Variants in RAPH1 observed in about 807,000 individuals in gnomAD.
RAPH1 encodes Ras association (RalGDS/AF-6) and pleckstrin homology domains 1.
RAPH1 carries 18 observed loss-of-function variants against 88.1 expected under a neutral mutation model. The ratio of observed to expected loss-of-function variants is 0.20; its 90% CI spans 0.14 to 0.30. The LOEUF is 0.30. Among genes scored for constraint, RAPH1 ranks in the 10% least tolerant of loss-of-function variants. The pLI is 1.00. For missense variants in RAPH1, 1,448 were observed against 1,543.2 expected (o/e 0.94, Z 1.03); for synonymous variants, 587 against 559.0 (o/e 1.05, Z -0.71).
chr2:203,459,811 G>A (rs532536537), intron 7 of RAPH1, 96 bp downstream of exon 7: 2 of 1,250,190 alleles, frequency 1.6e-6, no homozygotes, highest in Admixed American at 4.2e-5. Flanking sequence ...GCTCCAACCA[G>A]GTGTTTACCA....
intron 2 of RAPH1, 177 bp downstream of exon 2, chr2:203,495,057 A>G: frequency 1.7e-6 from 1 of 575,298 alleles, no homozygotes; most frequent in Non-Finnish European, 2.9e-6. Context: ...AAATAACCAT[A>G]GATTCTTAAT....
chr2:203,450,695 G>A (rs1419142630), intron 10 of RAPH1, among the ~76,000 whole-genome samples: 1 of 152,230 alleles, frequency 6.6e-6, no homozygotes, highest in Non-Finnish European at 1.5e-5. Flanking sequence ...GCCAGTGAGG[G>A]CTTAAGAGAC....
chr2:203,446,233 T>C (rs533312804), intron 12 of RAPH1: 1 of 152,372 alleles, frequency 6.6e-6, no homozygotes, highest in East Asian at 1.9e-4. Flanking sequence ...AGGTATCTTG[T>C]AGACTGTCTC....
At chr2:203,493,971 CAAAAAAAAA>C (rs397937732) in intron 2 of RAPH1, among the ~76,000 whole-genome samples, 24 of 18,962 alleles carry the variant, frequency 1.3e-3, no homozygotes, top group East Asian at 6.2e-3. Context: ...GACTCTATCT[CAAAAAAAAA>C]AAAAAAAAAA....
intron 1 of RAPH1, among the ~76,000 whole-genome samples, chr2:203,519,381 TA>T (rs1430931626): frequency 6.6e-6 from 1 of 152,066 alleles, no homozygotes; most frequent in Non-Finnish European, 1.5e-5. Context: ...ATCAACAGGC[TA>T]AAAAAATTTT....
At chr2:203,443,542 G>C (rs2098506223) in intron 13 of RAPH1, 1 of 151,714 alleles carries the variant, frequency 6.6e-6, no homozygotes, top group Non-Finnish European at 1.5e-5. Context: ...CAAGGCTCAG[G>C]AATCCAAAAC....
In RAPH1 at chr2:203,502,067, T is replaced by C. The variant is rs564241805; in HGVS notation, c.1-6714A>G. 3.9e-5 allele frequency among the ~76,000 whole-genome samples: 6 copies of C among 152,294 alleles called. No homozygotes were observed. In the South Asian group the frequency reaches 1.2e-3, roughly 32 times the overall value. On this transcript the variant is annotated intron_variant, in intron 1 of 13. Transcript: ENST00000319170. ...ATTTAAAGGAAGCTACAGTCTCCTA[T>C]GTGTTGAAAGGGACTAAGAAGGAAG...
At chr2:203,523,034 C>T (rs933852029) in intron 1 of RAPH1, among the ~76,000 whole-genome samples, 1 of 151,774 alleles carries the variant, frequency 6.6e-6, no homozygotes, top group Non-Finnish European at 1.5e-5. Context: ...TAGAGAATCA[C>T]ATCAATGTAA....
chr2:203,529,625 A>T (rs1690298662), intron 1 of RAPH1, among the ~76,000 whole-genome samples: 1 of 152,172 alleles, frequency 6.6e-6, no homozygotes, highest in South Asian at 2.1e-4. Context: ...GGCTTCCCAA[A>T]GTGCTGGGAT....
chr2:203,529,844 A>T (rs758502265), intron 1 of RAPH1, among the ~76,000 whole-genome samples: 1 of 152,162 alleles, frequency 6.6e-6, no homozygotes, highest in South Asian at 2.1e-4. Flanking sequence ...TCTCATCTAA[A>T]GGGATGACTT....
At chr2:203,512,980 C>A (rs1190115187) in intron 1 of RAPH1, among the ~76,000 whole-genome samples, 1 of 152,102 alleles carries the variant, frequency 6.6e-6, no homozygotes, top group Non-Finnish European at 1.5e-5. Flanking sequence ...ATAGGTAAAT[C>A]TTTCATGTTT....
At position 203,495,240 on chromosome 2, in the gene RAPH1, G is replaced by T. The variant is rs931136023; in HGVS notation, c.114C>A (p.Leu38=). 1.9e-6 allele frequency: 3 copies of T among 1,613,904 alleles called. No individual in the cohort carries two copies. The African/African-American group carries it at 4.0e-5, about 22-fold the overall frequency. The change falls in exon 2 of 14, where the codon CTC becomes CTA. Residue 38 remains leucine (L), a synonymous_variant. Coordinates refer to ENST00000319170, the MANE Select transcript of RAPH1 (RefSeq NM_213589.3). The part of the protein sequence containing the change: ...FGAWLGELDK[L]TQSLDSDKPM... ...TTTTTCAAGCACTACTCACCTGAGT[G>T]AGTTTGTCTAGTTCTCCAAGCCAGG...
In RAPH1 at chr2:203,506,821, T is replaced by G. The variant is rs1232292850; in HGVS notation, c.1-11468A>C. Among the ~76,000 whole-genome samples, 16 of 62,622 alleles carry G rather than the reference T, an allele frequency of 2.6e-4. 1 individual carries two copies. The highest frequency in any genetic ancestry group is 3.4e-4 in the Non-Finnish European group (12 of 35,132). The allele number at this position is 62,622 out of a possible 152,430, so 41.1% of individuals were successfully genotyped here. A position where few individuals can be genotyped will look rare whatever the true frequency, so the allele number is the denominator to read the frequency against. On this transcript the variant is annotated intron_variant, in intron 1 of 13. Coordinates refer to ENST00000319170, the MANE Select transcript of RAPH1 (RefSeq NM_213589.3). ...ATATATATATCTATATCTATATATC[T>G]ATATATATATCTATATCTATATATC...
At chr2:203,498,458 A>G (rs1688608624) in intron 1 of RAPH1, among the ~76,000 whole-genome samples, 1 of 152,180 alleles carries the variant, frequency 6.6e-6, no homozygotes, top group Non-Finnish European at 1.5e-5. Flanking sequence ...AACCATTGTG[A>G]TAGGCAGGTA....
chr2:203,491,146 A>G, intron 3 of RAPH1, 68 bp downstream of exon 3: 1 of 914,932 alleles, frequency 1.1e-6, no homozygotes, highest in Non-Finnish European at 1.7e-6. Flanking sequence ...TGGGAATTGC[A>G]GTTGTACTGC....
At chr2:203,478,478 ATTTTTTGTTT>A (rs1344411356) in intron 4 of RAPH1, among the ~76,000 whole-genome samples, 2 of 150,636 alleles carry the variant, frequency 1.3e-5, no homozygotes, top group South Asian at 2.1e-4. Context: ...TAAGGACATC[ATTTTTTGTTT>A]TTTTTTGTTT....
At position 203,434,538 on chromosome 2, in the gene RAPH1, T is replaced by C. The variant is rs2098496781; in HGVS notation, c.*4899A>G. Reference sequence around the variant, plus strand: ...TTGAAACATTCCAGTTAATGCTTATTTTCTAGAAGGGGTTATTTTACAAGT... The same window carrying C: ...TTGAAACATTCCAGTTAATGCTTATCTTCTAGAAGGGGTTATTTTACAAGT... On this transcript the variant is annotated 3_prime_UTR_variant, in exon 14 of 14. Coordinates refer to ENST00000319170, the MANE Select transcript of RAPH1 (RefSeq NM_213589.3). 1.3e-5 allele frequency: 2 copies of C among 151,688 alleles called. No homozygotes were observed. 9.4% of individuals were successfully genotyped at this position (151,688 alleles called of 1,614,324 possible). A position where few individuals can be genotyped will look rare whatever the true frequency, so the allele number is the denominator to read the frequency against.
chr2:203,433,788 G>A lies in RAPH1; in HGVS notation c.*5649C>T, dbSNP rs990007897. ...GCAAAACCAGATTCTTAATGGTGCC[G>A]ATCCACAAACACTCAAAGTCCCCAT... On this transcript the variant is annotated 3_prime_UTR_variant, in exon 14 of 14. Transcript: ENST00000319170. The A allele has an allele frequency of 4.6e-5, 7 of 152,482 alleles. No individual in the cohort carries two copies. Among genetic ancestry groups the A allele is most frequent in the Admixed American group, 2.0e-4 (3 of 15,288 alleles). The allele number at this position is 152,482 out of a possible 1,614,324, so 9.4% of individuals were successfully genotyped here.
At chr2:203,472,939 A>C (rs1200957057) in intron 4 of RAPH1, among the ~76,000 whole-genome samples, 1 of 152,264 alleles carries the variant, frequency 6.6e-6, no homozygotes, top group Non-Finnish European at 1.5e-5. Context: ...TGAAATATTA[A>C]GATATTCAAA....
Sources: gnomAD v4.1 joint callset for allele counts (sites outside exome capture counted in the v4.1 genomes callset) on GRCh38, gnomAD v4.1.1 for gene constraint, MANE v1.5 for transcripts, NCBI Gene and HGNC (gene_info 2026-07-23, HGNC 2026-07-21) for gene names.